Variants in ERI1 observed in about 807,000 individuals in gnomAD.
ERI1 encodes the protein 3'-5' exoribonuclease 1.
A neutral mutation model predicts 39.7 loss-of-function variants in ERI1; 39 were observed. The observed-to-expected ratio is 0.98, with a 90% confidence interval of 0.76 to 1.28. The LOEUF is 1.28. Among genes scored for constraint, ERI1 ranks in the 50% most tolerant of loss-of-function variants. The pLI, the probability that ERI1 is intolerant of heterozygous loss-of-function variation, is 0.00. For synonymous variants in ERI1, 204 were observed against 149.6 expected (o/e 1.36, Z -2.65); for missense variants, 581 against 416.9 (o/e 1.39, Z -3.43).
At chr8:9,035,215 C>T (rs1352548398), downstream of ERI1, among the ~76,000 whole-genome samples, 3 of 152,170 alleles carry the variant, frequency 2.0e-5, no homozygotes, top group East Asian at 3.8e-4. Context: ...TAGCTAAGAT[C>T]TAGCTAAGAT....
At chr8:9,008,290 A>AT in intron 2 of ERI1, 142 bp downstream of exon 2, 1 of 725,788 alleles carries the variant, frequency 1.4e-6, no homozygotes, top group Non-Finnish European at 2.1e-6. Flanking sequence ...ACTAATTAAC[A>AT]TTTTTTATGT....
chr8:9,065,484 A>T (rs1798843046), intron 3 of ERI1, among the ~76,000 whole-genome samples: 1 of 151,992 alleles, frequency 6.6e-6, no homozygotes, highest in Non-Finnish European at 1.5e-5. Flanking sequence ...TCACGAGGTC[A>T]GGAGATCGAG....
intron 3 of ERI1, among the ~76,000 whole-genome samples, chr8:9,089,559 G>A (rs1489065254): frequency 1.3e-5 from 2 of 152,192 alleles, no homozygotes; most frequent in Non-Finnish European, 2.9e-5. Context: ...TGCCCTATGA[G>A]GAGGAAGCAG....
chr8:9,050,743 C>G (rs1020675360), intron 3 of ERI1, among the ~76,000 whole-genome samples: 1 of 152,164 alleles, frequency 6.6e-6, no homozygotes, highest in Non-Finnish European at 1.5e-5. Context: ...CCGGTCTCAG[C>G]TTCAGGACTT....
At chr8:9,015,198 C>G (rs753248110) in intron 3 of ERI1, among the ~76,000 whole-genome samples, 5 of 152,266 alleles carry the variant, frequency 3.3e-5, no homozygotes, top group Admixed American at 2.0e-4. Flanking sequence ...CCATTTATAG[C>G]TCATCCACTT....
chr8:9,074,091 C>CT (rs1347926265), intron 3 of ERI1, among the ~76,000 whole-genome samples: 1 of 150,746 alleles, frequency 6.6e-6, no homozygotes. Flanking sequence ...CCCAGCCATA[C>CT]TTTTTTGTGT....
At chr8:9,096,563 G>A (rs958442681) in intron 3 of ERI1, among the ~76,000 whole-genome samples, 1 of 152,124 alleles carries the variant, frequency 6.6e-6, no homozygotes, top group African/African-American at 2.4e-5. Flanking sequence ...GGAGGGAGGA[G>A]CGGTGGCTTG....
chr8:9,039,284 A>T, intron 3 of ERI1, among the ~76,000 whole-genome samples: 1 of 152,302 alleles, frequency 6.6e-6, no homozygotes, highest in South Asian at 2.1e-4. Flanking sequence ...TATTTTTATT[A>T]TATGTTTCGT....
chr8:9,037,697 A>G (rs1797896038), downstream of ERI1, among the ~76,000 whole-genome samples: 1 of 152,138 alleles, frequency 6.6e-6, no homozygotes, highest in African/African-American at 2.4e-5. Context: ...TGAATGAGTT[A>G]CTGTTTTGGC....
intron 3 of ERI1, among the ~76,000 whole-genome samples, chr8:9,042,925 C>T (rs1049868989): frequency 2.0e-5 from 3 of 152,212 alleles, no homozygotes; most frequent in Non-Finnish European, 4.4e-5. Flanking sequence ...TGCATGCTCC[C>T]ACGCGCAGTG....
chr8:9,011,235 G>A (rs1238980869), intron 2 of ERI1, among the ~76,000 whole-genome samples: 1 of 152,150 alleles, frequency 6.6e-6, no homozygotes, highest in African/African-American at 2.4e-5. Flanking sequence ...TGACGACTGT[G>A]TTGGTAGTAT....
intron 2 of ERI1, among the ~76,000 whole-genome samples, chr8:9,009,511 A>G (rs111483229): frequency 6.6e-6 from 1 of 152,172 alleles, no homozygotes; most frequent in Non-Finnish European, 1.5e-5. Context: ...CCAAAGTTAT[A>G]GGACATAAAA....
Position 9,025,267 on chromosome 8 carries a change from T to C in ERI1, c.808-4525T>C, listed in dbSNP as rs373212861. ...TTCCAATAGCTTTCCTCACTTGATA[T>C]CAAGCCCAAGCAAAAGGTGGACATT... On this transcript the variant is annotated intron_variant, in intron 6 of 6. Coordinates refer to ENST00000250263, the MANE Select transcript of ERI1 (RefSeq NM_153332.4). 1.2e-4 allele frequency among the ~76,000 whole-genome samples: 19 copies of C among 152,214 alleles called. 1 individual carries two copies. The highest frequency in any genetic ancestry group is 2.1e-4 in the Non-Finnish European group (14 of 68,032).
At chr8:9,045,708 A>C (rs1798152703) in intron 3 of ERI1, among the ~76,000 whole-genome samples, 2 of 144,024 alleles carry the variant, frequency 1.4e-5, no homozygotes, top group African/African-American at 2.6e-5. Flanking sequence ...ATGGAGTCTC[A>C]CTCTGTCACC....
chr8:9,044,022 A>G (rs1798103104), intron 3 of ERI1, among the ~76,000 whole-genome samples: 1 of 152,170 alleles, frequency 6.6e-6, no homozygotes, highest in East Asian at 1.9e-4. Flanking sequence ...CTTGGTTCTG[A>G]GACTTACTGG....
At chr8:9,079,730 G>A (rs765136663) in intron 3 of ERI1, among the ~76,000 whole-genome samples, 4 of 152,194 alleles carry the variant, frequency 2.6e-5, no homozygotes, top group African/African-American at 2.4e-5. Context: ...CTGGAGTGCA[G>A]TGGATCACGG....
At chr8:9,035,474 G>A (rs913510610), downstream of ERI1, among the ~76,000 whole-genome samples, 1 of 152,104 alleles carries the variant, frequency 6.6e-6, no homozygotes, top group African/African-American at 2.4e-5. Context: ...TCTATAAAGG[G>A]AACGGCAAAG....
intron 3 of ERI1, among the ~76,000 whole-genome samples, chr8:9,042,460 G>A (rs1335689750): frequency 1.3e-5 from 2 of 152,042 alleles, no homozygotes; most frequent in East Asian, 1.9e-4. Flanking sequence ...GCCCTCTCCC[G>A]CCTCCAACAC....
At chr8:9,010,815 C>A (rs538904189) in intron 2 of ERI1, among the ~76,000 whole-genome samples, 1 of 152,224 alleles carries the variant, frequency 6.6e-6, no homozygotes, top group Non-Finnish European at 1.5e-5. Context: ...TTCTCTCCTC[C>A]CCACTACTCC....
Sources: gnomAD v4.1 joint callset for allele counts (sites outside exome capture counted in the v4.1 genomes callset) on GRCh38, gnomAD v4.1.1 for gene constraint, MANE v1.5 for transcripts, NCBI Gene and HGNC (gene_info 2026-07-23, HGNC 2026-07-21) for gene names.